Variants in LIN52 observed in about 807,000 individuals in gnomAD.
The protein encoded by LIN52 is lin-52 DREAM MuvB core complex component.
In LIN52, 4 loss-of-function variants were observed where a neutral mutation model predicts 18.5. The observed-to-expected ratio is 0.22, with a 90% confidence interval of 0.11 to 0.49. LIN52 has a LOEUF of 0.49. Ranked by LOEUF, LIN52 falls within the 20% of genes least tolerant of loss-of-function variation. The probability of loss-of-function intolerance (pLI) is 0.97; values close to 1 mark genes in which losing one functional copy is unlikely to be tolerated. For synonymous variants in LIN52, 34 were observed against 45.5 expected, an observed-to-expected ratio of 0.75 and a Z score of 1.02; for missense variants, 102 against 139.5, an observed-to-expected ratio of 0.73 and a Z score of 1.35.
intron 2 of LIN52, among the ~76,000 whole-genome samples, chr14:74,091,739 A>G (rs957366523): frequency 2.1e-5 from 3 of 142,154 alleles, no homozygotes; most frequent in Non-Finnish European, 3.0e-5. Context: ...GTGCCACTGC[A>G]CTTCAGCCTG....
chr14:74,172,224 C>G (rs930398388), intron 5 of LIN52, among the ~76,000 whole-genome samples: 1 of 152,104 alleles, frequency 6.6e-6, no homozygotes, highest in African/African-American at 2.4e-5. Context: ...TATCTCTAGT[C>G]TGTGAACTCC....
At chr14:74,162,683 T>G (rs1673456798) in intron 5 of LIN52, among the ~76,000 whole-genome samples, 3 of 152,104 alleles carry the variant, frequency 2.0e-5, no homozygotes, top group Admixed American at 2.0e-4. Flanking sequence ...TGTGAGCCAC[T>G]GCGCCCAGCC....
intron 5 of LIN52, among the ~76,000 whole-genome samples, chr14:74,182,157 CATG>C (rs4026727): frequency 0.6 from 91,221 of 151,608 alleles, 28,487 homozygotes; most frequent in Admixed American, 0.68. Context: ...ACCACAGGTG[CATG>C]CCACCATGCC....
At chr14:74,193,057 C>A (rs1481539178) in intron 5 of LIN52, among the ~76,000 whole-genome samples, 1 of 152,014 alleles carries the variant, frequency 6.6e-6, no homozygotes. Context: ...ATGTTTTGAT[C>A]AACATCAGAT....
chr14:74,195,437 C>G (rs886537706), intron 5 of LIN52, among the ~76,000 whole-genome samples: 2 of 152,208 alleles, frequency 1.3e-5, no homozygotes, highest in African/African-American at 4.8e-5. Context: ...CAGTAGTCAT[C>G]TCTAAAGATT....
At chr14:74,142,923 T>C (rs915040089) in intron 5 of LIN52, among the ~76,000 whole-genome samples, 3 of 150,120 alleles carry the variant, frequency 2.0e-5, no homozygotes, top group Admixed American at 2.0e-4. Flanking sequence ...GACCTATGCT[T>C]CCTCTTGGTG....
intron 5 of LIN52, among the ~76,000 whole-genome samples, chr14:74,184,371 C>A (rs1021414479): frequency 6.6e-6 from 1 of 152,246 alleles, no homozygotes; most frequent in African/African-American, 2.4e-5. Context: ...CCGGCCCCCA[C>A]ATTTTAAGTT....
intron 5 of LIN52, among the ~76,000 whole-genome samples, chr14:74,120,888 G>T (rs898482671): frequency 2.0e-5 from 3 of 152,010 alleles, no homozygotes; most frequent in Non-Finnish European, 4.4e-5. Context: ...TCCAGCCTGG[G>T]CAACAGAGCG....
intron 5 of LIN52, among the ~76,000 whole-genome samples, chr14:74,108,113 A>G (rs1425640101): frequency 6.6e-6 from 1 of 152,216 alleles, no homozygotes; most frequent in Non-Finnish European, 1.5e-5. Flanking sequence ...CTTGTAAATG[A>G]AATCATATAA....
chr14:74,114,707 T>C (rs1169818590), intron 5 of LIN52, among the ~76,000 whole-genome samples: 4 of 152,180 alleles, frequency 2.6e-5, no homozygotes, highest in Non-Finnish European at 5.9e-5. Context: ...TAGAGGTTAG[T>C]GTTATTAATA....
chr14:74,149,436 ACAT>A (rs150861398), intron 5 of LIN52, among the ~76,000 whole-genome samples: 65 of 152,242 alleles, frequency 4.3e-4, no homozygotes, highest in African/African-American at 1.4e-3. Context: ...TTAAGTTGAG[ACAT>A]CATGATGAGA....
chr14:74,114,248 T>C, intron 5 of LIN52: 1 of 985,282 alleles, frequency 1.0e-6, no homozygotes, highest in Non-Finnish European at 1.2e-6. Context: ...TTTTATTCTA[T>C]CTTAAGCATT....
At chr14:74,145,751 T>C (rs1046698138) in intron 5 of LIN52, among the ~76,000 whole-genome samples, 6 of 152,238 alleles carry the variant, frequency 3.9e-5, no homozygotes, top group African/African-American at 1.4e-4. Flanking sequence ...CTTAGACATT[T>C]CTGGCACAAA....
intron 2 of LIN52, among the ~76,000 whole-genome samples, chr14:74,095,149 G>GTTTTT (rs35455851): frequency 0.17 from 17,512 of 103,266 alleles, 1,866 homozygotes; most frequent in South Asian, 0.37. Context: ...CCAACTAACT[G>GTTTTT]TTTTTTTTTT....
intron 5 of LIN52, among the ~76,000 whole-genome samples, chr14:74,137,498 C>CTCTTTTT (rs776969152): frequency 2.8e-4 from 31 of 111,600 alleles, no homozygotes; most frequent in South Asian, 5.6e-4. Flanking sequence ...CAGCAGCTCT[C>CTCTTTTT]TTTTTTTTTT....
rs371159634 is a variant in LIN52, at chr14:74,089,516, C to T, written c.20-1716C>T. Among the ~76,000 whole-genome samples, 14 of 151,864 alleles carry T rather than the reference C, an allele frequency of 9.2e-5. 1 individual carries two copies. Among genetic ancestry groups the T allele is most frequent in the Admixed American group, 7.2e-4 (11 of 15,202 alleles). On this transcript the variant is annotated intron_variant, in intron 1 of 5. Coordinates refer to ENST00000555028, the MANE Select transcript of LIN52 (RefSeq NM_001024674.3). The stretch of plus-strand genomic sequence containing the variant: ...CCAAGTAGCTGGGACTACAGGCTGA[C>T]ACCACCACACCTGGCTAATTTTTTT...
intron 1 of LIN52, among the ~76,000 whole-genome samples, chr14:74,086,433 G>T (rs566751127): frequency 2.6e-5 from 4 of 151,902 alleles, no homozygotes. Flanking sequence ...CAGGCAGATC[G>T]CCTGAGCTCA....
intron 5 of LIN52, among the ~76,000 whole-genome samples, chr14:74,133,538 C>A (rs1317675141): frequency 6.6e-6 from 1 of 152,208 alleles, no homozygotes; most frequent in Non-Finnish European, 1.5e-5. Context: ...ACATAACAGT[C>A]TGAGCCATGA....
At chr14:74,128,837 A>G (rs1270185482) in intron 5 of LIN52, among the ~76,000 whole-genome samples, 2 of 152,044 alleles carry the variant, frequency 1.3e-5, no homozygotes, top group Non-Finnish European at 2.9e-5. Flanking sequence ...CCAGCTACTC[A>G]GGAGGCTGAG....
Sources: gnomAD v4.1 joint callset for allele counts (sites outside exome capture counted in the v4.1 genomes callset) on GRCh38, gnomAD v4.1.1 for gene constraint, MANE v1.5 for transcripts, NCBI Gene and HGNC (gene_info 2026-07-23, HGNC 2026-07-21) for gene names.